SLC26A5: variants seen among roughly 807,000 people sequenced by gnomAD.
SLC26A5 encodes the protein solute carrier family 26 member 5.
In SLC26A5, 51 loss-of-function variants were observed where a neutral mutation model predicts 81.0. That is an observed-to-expected ratio of 0.63 (90% CI 0.50 to 0.80). The LOEUF (loss-of-function observed/expected upper bound fraction) is 0.80, where lower values mean the gene tolerates loss of function less well. Among genes scored for constraint, SLC26A5 ranks in the 30% least tolerant of loss-of-function variants. The pLI is 0.00. For missense variants in SLC26A5, 771 were observed against 905.8 expected (o/e 0.85, Z 1.91); for synonymous variants, 325 against 332.8 (o/e 0.98, Z 0.25).
chr7:103,363,293 G>C, intron 19 of SLC26A5: 2 of 1,412,310 alleles, frequency 1.4e-6, no homozygotes, highest in South Asian at 2.3e-5. Context: ...AATTTGGACA[G>C]TATCCAAAAA....
Position 103,389,425 on chromosome 7 carries a change from C to G in SLC26A5, c.1312-1G>C, listed in dbSNP as rs1563529062. 1.2e-6 allele frequency: 2 copies of G among 1,611,796 alleles called. No individual in the cohort carries two copies. The highest frequency in any genetic ancestry group is 1.7e-6 in the Non-Finnish European group (2 of 1,177,926). On this transcript the variant is annotated splice_acceptor_variant, in intron 12 of 19. Transcript: ENST00000306312. LOFTEE classifies it high-confidence loss of function. ...CAATCACAATGGCCGACAGCACAGC[C>G]TGAAACAGAGCACATCCCCCATGCC...
At chr7:103,369,913 A>G (rs529393065), downstream of SLC26A5, among the ~76,000 whole-genome samples, 31 of 152,324 alleles carry the variant, frequency 2.0e-4, no homozygotes, top group African/African-American at 7.5e-4. Context: ...GAAATGCAAT[A>G]CACCAGTATA....
At chr7:103,372,946 T>C (rs1821119081), downstream of SLC26A5, among the ~76,000 whole-genome samples, 1 of 150,832 alleles carries the variant, frequency 6.6e-6, no homozygotes, top group Non-Finnish European at 1.5e-5. Flanking sequence ...AAGTTGATAA[T>C]TAAATGAAAA....
chr7:103,371,977 G>C (rs970328231), downstream of SLC26A5, among the ~76,000 whole-genome samples: 3 of 152,324 alleles, frequency 2.0e-5, no homozygotes, highest in Admixed American at 6.5e-5. Context: ...TTACAGGCGT[G>C]AGCCACCGCA....
chr7:103,377,890 G>T, intron 17 of SLC26A5, 91 bp from the exon 18 acceptor site: 2 of 1,236,150 alleles, frequency 1.6e-6, no homozygotes, highest in Non-Finnish European at 2.4e-6. Flanking sequence ...CTGCTCTTGT[G>T]TTCTTAAGCT....
chr7:103,442,395 C>T (rs554976643), intron 2 of SLC26A5, among the ~76,000 whole-genome samples: 208 of 152,280 alleles, frequency 1.4e-3, no homozygotes, highest in Admixed American at 2.5e-3. Context: ...TCCTCGGTCT[C>T]CCAAAGTGCT....
rs555020945 is a variant in SLC26A5, at chr7:103,424,057, T to A, written c.-53-2490A>T. 1.4e-3 allele frequency among the ~76,000 whole-genome samples: 210 copies of A among 152,302 alleles called. 1 individual carries two copies. The highest frequency in any genetic ancestry group is 1.1e-3 in the Non-Finnish European group (78 of 68,026). On this transcript the variant is annotated intron_variant, in intron 2 of 19. Transcript: ENST00000306312. ...ACCCTAACTCCTCCAGATCATTACA[T>A]GACAGCATTATAAAACCATTTGTAA... is the stretch of plus-strand genomic sequence containing the variant.
intron 11 of SLC26A5, 51 bp from the exon 12 acceptor site, chr7:103,390,557 G>T: frequency 6.9e-7 from 1 of 1,449,566 alleles, no homozygotes; most frequent in Non-Finnish European, 9.7e-7. Flanking sequence ...TTGAATAAGA[G>T]GCAGGGCATA....
chr7:103,397,377 TA>T (rs1823208381), intron 9 of SLC26A5, among the ~76,000 whole-genome samples: 1 of 150,858 alleles, frequency 6.6e-6, no homozygotes, highest in Non-Finnish European at 1.5e-5. Context: ...CCGTCTCTAT[TA>T]AAAATACAAA....
chr7:103,377,714 G>A lies in SLC26A5; in HGVS notation c.1871C>T (p.Thr624Ile). 1 of 1,614,114 alleles carries A rather than the reference G, an allele frequency of 6.2e-7. No individual in the cohort carries two copies. The highest frequency in any genetic ancestry group is 1.3e-5 in the African/African-American group (1 of 75,030). ...VKYPPIVIKS[T>I]FPEEMQRFMP... The stretch of plus-strand genomic sequence containing the variant: ...AAATCTTTGCATTTCCTCAGGAAAT[G>A]TGCTTTTGATCACTATTGGGGGATA... The change falls in exon 18 of 20, where the codon ACA becomes ATA. Residue 624 changes from threonine (T) to isoleucine (I), a missense_variant. By Grantham distance (89) the Thr-to-Ile change is moderately conservative. Transcript: ENST00000306312.
At chr7:103,392,565 C>T (rs1464615770) in intron 10 of SLC26A5, among the ~76,000 whole-genome samples, 1 of 152,146 alleles carries the variant, frequency 6.6e-6, no homozygotes, top group East Asian at 1.9e-4. Context: ...CCTTCCATAA[C>T]CGACCTTGGT....
At chr7:103,372,872 G>A (rs1428994200), downstream of SLC26A5, among the ~76,000 whole-genome samples, 3 of 65,582 alleles carry the variant, frequency 4.6e-5, no homozygotes, top group Admixed American at 2.4e-4. Flanking sequence ...ACCAGAAAAG[G>A]GAAATCTAAA....
chr7:103,408,931 C>T (rs1445788280), intron 7 of SLC26A5, among the ~76,000 whole-genome samples: 1 of 152,156 alleles, frequency 6.6e-6, no homozygotes, highest in African/African-American at 2.4e-5. Context: ...GTTTTATTTC[C>T]TTTGTGACAA....
chr7:103,445,301 G>C (rs951063438), intron 1 of SLC26A5: 3 of 152,190 alleles, frequency 2.0e-5, no homozygotes, highest in African/African-American at 4.8e-5. Context: ...CCTTCCCGGC[G>C]GGGCCCGGCC....
chr7:103,421,928 T>C (rs1230226781), intron 2 of SLC26A5, among the ~76,000 whole-genome samples: 2 of 152,196 alleles, frequency 1.3e-5, no homozygotes, highest in Non-Finnish European at 2.9e-5. Flanking sequence ...AAGAGTACGA[T>C]CAGTCCTTAA....
At chr7:103,391,935 T>C (rs1481188963) in intron 10 of SLC26A5, among the ~76,000 whole-genome samples, 200 bp from the exon 11 acceptor site, 1 of 152,258 alleles carries the variant, frequency 6.6e-6, no homozygotes, top group Non-Finnish European at 1.5e-5. Context: ...TTTTGAATTT[T>C]TATTTTGTCA....
At chr7:103,411,734 A>T (rs1824503278) in intron 5 of SLC26A5, 148 bp from the exon 6 acceptor site, 2 of 876,324 alleles carry the variant, frequency 2.3e-6, no homozygotes, top group Admixed American at 3.9e-5. Flanking sequence ...CCCCTGGTGT[A>T]TGAGCAACCG....
chr7:103,389,875 G>T (rs898212417), intron 12 of SLC26A5, among the ~76,000 whole-genome samples: 1 of 152,042 alleles, frequency 6.6e-6, no homozygotes, highest in South Asian at 2.1e-4. Context: ...TTATCTGCCC[G>T]CCTCAGCCTC....
chr7:103,395,171 G>A, intron 9 of SLC26A5, among the ~76,000 whole-genome samples: 1 of 152,054 alleles, frequency 6.6e-6, no homozygotes, highest in East Asian at 1.9e-4. Flanking sequence ...GCTGTTTTAA[G>A]TCACTGTTTT....
Sources: allele counts gnomAD v4.1 joint callset (sites outside exome capture counted in the v4.1 genomes callset), GRCh38; gene constraint gnomAD v4.1.1; transcripts MANE v1.5; gene names NCBI Gene and HGNC (gene_info 2026-07-23, HGNC 2026-07-21).